The following MIA2 variants were observed in gnomAD, a reference collection of about 807,000 sequenced individuals.
MIA2 encodes melanoma inhibitory activity protein 2.
Under a neutral mutation model 167.8 loss-of-function variants are expected in MIA2, and 127 were observed. The ratio of observed to expected loss-of-function variants is 0.76; its 90% confidence interval spans 0.66 to 0.88. The LOEUF (loss-of-function observed/expected upper bound fraction) is 0.88. MIA2 is among the 40% of genes least tolerant of loss of function. MIA2 has a pLI of 0.00. For missense variants in MIA2, 1,690 were observed against 1,624.7 expected (o/e 1.04, Z -0.69); for synonymous variants, 552 against 541.9 (o/e 1.02, Z -0.26).
At chr14:39,351,821 A>G (rs2074393631), downstream of MIA2, among the ~76,000 whole-genome samples, 1 of 152,100 alleles carries the variant, frequency 6.6e-6, no homozygotes, top group South Asian at 2.1e-4. Context: ...GTTAGCCAGG[A>G]TGGTCTCAAT....
chr14:39,346,168 AT>A, intron 26 of MIA2, 142 bp downstream of exon 26: 1 of 714,106 alleles, frequency 1.4e-6, no homozygotes, highest in Non-Finnish European at 2.4e-6. Flanking sequence ...TCCTGGTTTT[AT>A]GTTTCTTGTT....
intron 25 of MIA2, among the ~76,000 whole-genome samples, chr14:39,330,789 A>G (rs1235681830): frequency 1.3e-5 from 2 of 152,140 alleles, no homozygotes; most frequent in Non-Finnish European, 2.9e-5. Flanking sequence ...TGAATTTCTT[A>G]ATCCTGAGTT....
chr14:39,288,476 T>TG (rs1491498097), intron 9 of MIA2, among the ~76,000 whole-genome samples: 2 of 54,720 alleles, frequency 3.7e-5, no homozygotes, highest in Non-Finnish European at 3.4e-5. Flanking sequence ...TATATATATA[T>TG]TTTTTTTTTT....
At chr14:39,343,102 T>C (rs1212730022) in intron 25 of MIA2, among the ~76,000 whole-genome samples, 1 of 152,156 alleles carries the variant, frequency 6.6e-6, no homozygotes, top group Non-Finnish European at 1.5e-5. Context: ...GTCCAGGAAT[T>C]GGAATTCCTA....
chr14:39,317,547 T>C (rs2065704454), intron 21 of MIA2, among the ~76,000 whole-genome samples: 3 of 152,088 alleles, frequency 2.0e-5, no homozygotes, highest in Admixed American at 1.3e-4. Flanking sequence ...CTGTCAACTT[T>C]AGAGATTTGA....
chr14:39,355,697 A>G (rs1213489886), downstream of MIA2, among the ~76,000 whole-genome samples: 4 of 152,090 alleles, frequency 2.6e-5, no homozygotes, highest in South Asian at 2.1e-4. Context: ...GTTTGTCATA[A>G]ATAGCTCTTA....
chr14:39,382,427 G>C (rs923206627), intron 23 of MIA2, among the ~76,000 whole-genome samples: 1 of 152,204 alleles, frequency 6.6e-6, no homozygotes, highest in Admixed American at 6.5e-5. Context: ...GCAGAAGTTT[G>C]TTTTGCCAAG....
At chr14:39,379,115 C>T (rs553036003) in intron 23 of MIA2, among the ~76,000 whole-genome samples, 5 of 152,150 alleles carry the variant, frequency 3.3e-5, no homozygotes, top group African/African-American at 1.2e-4. Context: ...GATGGAATTT[C>T]CATAAACCTT....
chr14:39,239,826 A>T (rs925208491), intron 2 of MIA2, among the ~76,000 whole-genome samples: 6 of 152,242 alleles, frequency 3.9e-5, no homozygotes, highest in Non-Finnish European at 7.3e-5. Flanking sequence ...GTGGACCCAC[A>T]GTCTGTCAGT....
chr14:39,342,401 C>T (rs556399090), intron 25 of MIA2, among the ~76,000 whole-genome samples: 4 of 152,220 alleles, frequency 2.6e-5, no homozygotes, highest in African/African-American at 2.4e-5. Context: ...TTTCTTAATC[C>T]AGTCTATCGT....
At chr14:39,300,421 A>G (rs2062200100) in intron 14 of MIA2, among the ~76,000 whole-genome samples, 1 of 151,838 alleles carries the variant, frequency 6.6e-6, no homozygotes, top group Non-Finnish European at 1.5e-5. Flanking sequence ...TTGAAACTTG[A>G]CTCCAGTCAT....
intron 6 of MIA2, among the ~76,000 whole-genome samples, chr14:39,254,272 T>C (rs2054716061): frequency 1.3e-5 from 2 of 152,114 alleles, no homozygotes; most frequent in Admixed American, 1.3e-4. Context: ...TATGGCACTT[T>C]TGGAGCACAA....
chr14:39,320,814 T>G (rs532159861), intron 23 of MIA2, 114 bp from the exon 24 acceptor site: 3 of 1,131,794 alleles, frequency 2.7e-6, no homozygotes, highest in South Asian at 3.0e-5. Context: ...GGACATAGAT[T>G]AAACTTAAAT....
chr14:39,339,241 C>T (rs1490170200), intron 25 of MIA2, among the ~76,000 whole-genome samples: 1 of 152,168 alleles, frequency 6.6e-6, no homozygotes, highest in East Asian at 1.9e-4. Flanking sequence ...GCAAACAGTT[C>T]CTAACAGCCC....
At chr14:39,276,275 A>G (rs1023631808) in intron 6 of MIA2, 2 of 152,418 alleles carry the variant, frequency 1.3e-5, no homozygotes, top group East Asian at 3.9e-4. Context: ...GGGAGAAGTA[A>G]TGTGGAAAGG....
At chr14:39,336,045 T>G (rs2070322940) in intron 25 of MIA2, among the ~76,000 whole-genome samples, 1 of 152,250 alleles carries the variant, frequency 6.6e-6, no homozygotes, top group African/African-American at 2.4e-5. Context: ...TTTGCTGTTG[T>G]GAATAGTGTT....
intron 23 of MIA2, among the ~76,000 whole-genome samples, chr14:39,375,236 T>C (rs2075023007): frequency 6.6e-6 from 1 of 152,244 alleles, no homozygotes; most frequent in Non-Finnish European, 1.5e-5. Context: ...AATAATTGGC[T>C]CTGTTGATTA....
intron 9 of MIA2, among the ~76,000 whole-genome samples, chr14:39,286,859 A>G (rs991231382): frequency 3.6e-4 from 38 of 105,032 alleles, no homozygotes; most frequent in Non-Finnish European, 6.5e-4. Context: ...GTGCCTGGCT[A>G]TTTTTCTGTG....
At chr14:39,253,501 G>A (rs1204784030) in intron 6 of MIA2, 1 of 333,088 alleles carries the variant, frequency 3.0e-6, no homozygotes. Flanking sequence ...GTGTGGTGGT[G>A]TGTGCCTGGA....
Sources: gnomAD v4.1 joint callset for allele counts (sites outside exome capture counted in the v4.1 genomes callset) on GRCh38, gnomAD v4.1.1 for gene constraint, MANE v1.5 for transcripts, NCBI Gene and HGNC (gene_info 2026-07-23, HGNC 2026-07-21) for gene names.